Variants in UNC79 observed in about 807,000 individuals in gnomAD.
UNC79 encodes the protein protein unc-79 homolog.
Under a neutral mutation model 283.1 loss-of-function variants are expected in UNC79, and 37 were observed. The ratio of observed to expected loss-of-function variants is 0.13; its 90% CI spans 0.10 to 0.17. The LOEUF (loss-of-function observed/expected upper bound fraction) is 0.17, where lower values mean the gene tolerates loss of function less well. UNC79 is among the 10% of genes least tolerant of loss of function. The pLI is 1.00. For synonymous variants in UNC79, 1,107 were observed against 1,200.2 expected (o/e 0.92, Z 1.61); for missense variants, 2,272 against 3,211.1 (o/e 0.71, Z 7.07).
intron 13 of UNC79, among the ~76,000 whole-genome samples, chr14:93,541,504 C>T (rs891516221): frequency 3.9e-5 from 6 of 152,152 alleles, no homozygotes; most frequent in Non-Finnish European, 7.3e-5. Context: ...CATATAGTTC[C>T]GTGAAAGAGT....
At chr14:93,390,246 A>G (rs2054858009) in intron 1 of UNC79, among the ~76,000 whole-genome samples, 1 of 152,242 alleles carries the variant, frequency 6.6e-6, no homozygotes, top group Non-Finnish European at 1.5e-5. Flanking sequence ...AGATGTGGCA[A>G]ACCATTTGAT....
chr14:93,622,261 C>T, exon 30 of UNC79: 2 of 1,614,182 alleles, frequency 1.2e-6, no homozygotes, highest in Non-Finnish European at 8.5e-7. Flanking sequence ...ATCCCTCCGT[C>T]CTCAGCCTGA....
intron 22 of UNC79, among the ~76,000 whole-genome samples, chr14:93,588,609 T>C (rs894717206): frequency 1.3e-5 from 2 of 151,520 alleles, no homozygotes; most frequent in African/African-American, 4.9e-5. Flanking sequence ...GGCGTGGTGG[T>C]GGGCACCTTT....
At chr14:93,356,451 G>A (rs1052602721) in intron 1 of UNC79, among the ~76,000 whole-genome samples, 15 of 152,182 alleles carry the variant, frequency 9.9e-5, no homozygotes, top group Admixed American at 9.8e-4. Context: ...TCCAATCTCT[G>A]TTTCCTCACC....
intron 1 of UNC79, among the ~76,000 whole-genome samples, chr14:93,353,209 AT>A (rs1223305624): frequency 9.9e-5 from 15 of 151,768 alleles, no homozygotes; most frequent in Admixed American, 6.6e-4. Context: ...TTTATTTTTT[AT>A]TTTTATTTTT....
chr14:93,605,812 G>A (rs182484973), intron 26 of UNC79, among the ~76,000 whole-genome samples: 80 of 152,254 alleles, frequency 5.3e-4, no homozygotes, highest in African/African-American at 1.8e-3. Flanking sequence ...CGAAGTGGGA[G>A]GGGAGAGAGA....
chr14:93,420,090 G>C (rs909580215), intron 1 of UNC79, among the ~76,000 whole-genome samples: 2 of 150,656 alleles, frequency 1.3e-5, no homozygotes, highest in East Asian at 3.9e-4. Flanking sequence ...TAACAAAATG[G>C]TAGGAGTAAG....
intron 24 of UNC79, among the ~76,000 whole-genome samples, chr14:93,598,398 G>C (rs2065240818): frequency 6.6e-6 from 1 of 151,656 alleles, no homozygotes; most frequent in African/African-American, 2.4e-5. Flanking sequence ...GTGTGTGTGT[G>C]TGTGTGTGTG....
At chr14:93,613,124 T>A (rs1191653006) in intron 27 of UNC79, 41 bp downstream of exon 28, 1 of 1,606,162 alleles carries the variant, frequency 6.2e-7, no homozygotes, top group Middle Eastern at 1.7e-4. Context: ...ACCTTTATAC[T>A]TTTAGTAGAA....
intron 25 of UNC79, among the ~76,000 whole-genome samples, chr14:93,601,946 G>C (rs2065539655): frequency 6.6e-6 from 1 of 151,954 alleles, no homozygotes; most frequent in Non-Finnish European, 1.5e-5. Flanking sequence ...TTTTTGATGG[G>C]ATTATTATTA....
At chr14:93,351,790 A>G (rs995033987) in intron 1 of UNC79, among the ~76,000 whole-genome samples, 2 of 152,176 alleles carry the variant, frequency 1.3e-5, no homozygotes, top group Admixed American at 1.3e-4. Context: ...GCAGGAAGAC[A>G]TAGGAAGGAG....
At chr14:93,642,336 A>T (rs2069119152) in intron 33 of UNC79, among the ~76,000 whole-genome samples, 1 of 151,098 alleles carries the variant, frequency 6.6e-6, no homozygotes, top group Non-Finnish European at 1.5e-5. Context: ...GAGGCAGGAG[A>T]ATGTCGTGAA....
intron 13 of UNC79, 148 bp downstream of exon 13, chr14:93,540,979 A>G (rs1340730220): frequency 6.3e-6 from 6 of 951,832 alleles, no homozygotes; most frequent in Non-Finnish European, 9.2e-6. Flanking sequence ...ATAGCTGTCA[A>G]TCCTGAGCTG....
At chr14:93,520,504 T>C (rs1186633989) in intron 7 of UNC79, among the ~76,000 whole-genome samples, 3 of 151,954 alleles carry the variant, frequency 2.0e-5, no homozygotes, top group Non-Finnish European at 4.4e-5. Flanking sequence ...TTTATTTCTT[T>C]TGTGCTTTAA....
intron 26 of UNC79, among the ~76,000 whole-genome samples, chr14:93,608,759 G>A (rs1175240238): frequency 6.6e-6 from 1 of 152,160 alleles, no homozygotes; most frequent in Non-Finnish European, 1.5e-5. Flanking sequence ...ATAGAGAAAC[G>A]TTCCAATATT....
At chr14:93,608,995 A>G (rs2066095650) in intron 26 of UNC79, among the ~76,000 whole-genome samples, 1 of 152,206 alleles carries the variant, frequency 6.6e-6, no homozygotes, top group South Asian at 2.1e-4. Context: ...TGAATACACA[A>G]AATGTTCTGC....
chr14:93,430,918 AGGGGGTGGGGGGTG>A lies in UNC79; in HGVS notation c.-105_-92del. 4.4e-6 allele frequency: 1 copy of A among 226,854 alleles called. No individual in the cohort carries two copies. The highest frequency in any genetic ancestry group is 8.5e-6 in the Non-Finnish European group (1 of 117,650). 14.1% of individuals were successfully genotyped at this position (226,854 alleles called of 1,614,324 possible). The stretch of plus-strand genomic sequence containing the variant: ...ACGGGCCTAAGGGAGGGGGAAAGCG[AGGGGGTGGGGGGTG>A]GGGGGTATGCACTCTTTTCCTCGCA... On this transcript the variant is annotated 5_prime_UTR_variant, in exon 1 of 49. Transcript: ENST00000555664. This position sits in a 1 kb window ranked among gnomAD's most constrained non-coding sequence, Gnocchi z 4.6.
At chr14:93,520,176 A>G (rs1324147848) in intron 7 of UNC79, among the ~76,000 whole-genome samples, 4 of 151,930 alleles carry the variant, frequency 2.6e-5, no homozygotes. Context: ...CACTGGGTAT[A>G]GAATTCTAGG....
intron 20 of UNC79, among the ~76,000 whole-genome samples, chr14:93,582,684 C>T (rs540471463): frequency 6.6e-6 from 1 of 152,166 alleles, no homozygotes; most frequent in African/African-American, 2.4e-5. Flanking sequence ...CAGAGTGTTT[C>T]TGAATAGAAG....
Sources: gnomAD v4.1 joint callset for allele counts (sites outside exome capture counted in the v4.1 genomes callset) on GRCh38, gnomAD v4.1.1 for gene constraint, Gnocchi (gnomAD v3.1) non-coding constraint, MANE v1.5 for transcripts, NCBI Gene and HGNC (gene_info 2026-07-23, HGNC 2026-07-21) for gene names.